Variants in PITPNC1 observed in about 807,000 individuals in gnomAD.
PITPNC1 encodes the protein cytoplasmic phosphatidylinositol transfer protein 1.
Under a neutral mutation model 44.7 loss-of-function variants are expected in PITPNC1, and 18 were observed. The ratio of observed to expected loss-of-function variants is 0.40; its 90% confidence interval spans 0.28 to 0.60. The LOEUF (loss-of-function observed/expected upper bound fraction) is 0.60, where lower values mean the gene tolerates loss of function less well. PITPNC1 is among the 20% of genes least tolerant of loss of function. PITPNC1 has a pLI of 0.39. For missense variants in PITPNC1, 290 were observed against 418.4 expected (o/e 0.69, Z 2.68); for synonymous variants, 141 against 149.6 (o/e 0.94, Z 0.42).
intron 4 of PITPNC1, among the ~76,000 whole-genome samples, chr17:67,559,344 G>C (rs2040878002): frequency 6.6e-6 from 1 of 152,352 alleles, no homozygotes; most frequent in African/African-American, 2.4e-5. Context: ...TACGATGTAA[G>C]CTAAGAGGGT....
chr17:67,516,759 C>T (rs572589349), intron 1 of PITPNC1, among the ~76,000 whole-genome samples: 2 of 152,322 alleles, frequency 1.3e-5, no homozygotes, highest in East Asian at 1.9e-4. Context: ...GCTGAGATTA[C>T]AGGCGCCCGC....
intron 1 of PITPNC1, among the ~76,000 whole-genome samples, chr17:67,413,709 C>T (rs1031091942): frequency 2.6e-5 from 4 of 152,140 alleles, no homozygotes; most frequent in African/African-American, 7.2e-5. Context: ...GAATTGAACA[C>T]ACTTGCTGGC....
chr17:67,410,137 A>C (rs1304343602), intron 1 of PITPNC1, among the ~76,000 whole-genome samples: 2 of 152,246 alleles, frequency 1.3e-5, no homozygotes, highest in Non-Finnish European at 2.9e-5. Context: ...TCTGTCTCTC[A>C]TTGAAAAAAG....
intron 8 of PITPNC1, among the ~76,000 whole-genome samples, chr17:67,690,923 T>A (rs1200589209): frequency 1.3e-5 from 2 of 152,004 alleles, no homozygotes; most frequent in Non-Finnish European, 2.9e-5. Flanking sequence ...GCCAACATGG[T>A]GAAACCCTGT....
intron 1 of PITPNC1, among the ~76,000 whole-genome samples, chr17:67,470,912 T>G (rs1335736771): frequency 7.6e-6 from 1 of 131,038 alleles, no homozygotes; most frequent in East Asian, 2.1e-4. Context: ...CCCCCAACCC[T>G]GTGCTCTCTG....
chr17:67,540,279 T>G (rs546082720), intron 2 of PITPNC1, among the ~76,000 whole-genome samples: 11 of 151,984 alleles, frequency 7.2e-5, no homozygotes, highest in Non-Finnish European at 1.3e-4. Flanking sequence ...AATTTGTGTA[T>G]GTTTTAGTAG....
intron 1 of PITPNC1, among the ~76,000 whole-genome samples, chr17:67,531,694 C>A (rs2040463692): frequency 6.6e-6 from 1 of 152,216 alleles, no homozygotes; most frequent in Admixed American, 6.5e-5. Flanking sequence ...GGACCCGCAT[C>A]CCTGCAGATT....
chr17:67,489,672 A>G (rs1279042540), intron 1 of PITPNC1, among the ~76,000 whole-genome samples: 1 of 152,196 alleles, frequency 6.6e-6, no homozygotes, highest in African/African-American at 2.4e-5. Context: ...GTAGCACCCA[A>G]GTGAATTACT....
chr17:67,693,061 A>G lies in PITPNC1; in HGVS notation c.*173A>G, dbSNP rs1168260060. 1 of 585,950 alleles carries G rather than the reference A, an allele frequency of 1.7e-6. No homozygotes were observed. Among genetic ancestry groups the G allele is most frequent in the African/African-American group, 1.9e-5 (1 of 53,562 alleles). The allele number at this position is 585,950 out of a possible 1,614,324, so 36.3% of individuals were successfully genotyped here. A position where few individuals can be genotyped will look rare whatever the true frequency, so the allele number is the denominator to read the frequency against. On this transcript the variant is annotated 3_prime_UTR_variant, in exon 9 of 9. Transcript: ENST00000581322. ...TAGAATATGATTCCCTAAGTATGCT[A>G]CACAGCATCATATTAGATGTAAGAT...
chr17:67,409,588 G>T (rs2038461453), intron 1 of PITPNC1, among the ~76,000 whole-genome samples: 1 of 151,714 alleles, frequency 6.6e-6, no homozygotes. Flanking sequence ...GCCCAGGTTG[G>T]AGTGCAGTGG....
intron 6 of PITPNC1, among the ~76,000 whole-genome samples, chr17:67,660,082 A>T (rs999277132): frequency 5.3e-5 from 8 of 152,148 alleles, no homozygotes; most frequent in Non-Finnish European, 5.9e-5. Context: ...GGGTTTTGCC[A>T]TGTGGCCCAG....
intron 5 of PITPNC1, chr17:67,613,670 T>A (rs2041718188): frequency 6.6e-6 from 1 of 151,778 alleles, no homozygotes; most frequent in Non-Finnish European, 1.5e-5. Flanking sequence ...AATACAAAAA[T>A]TAACCAGGTG....
At chr17:67,613,980 G>A (rs1443070997) in intron 5 of PITPNC1, among the ~76,000 whole-genome samples, 1 of 148,734 alleles carries the variant, frequency 6.7e-6, no homozygotes, top group Non-Finnish European at 1.5e-5. Context: ...CAGCAACTCA[G>A]GAGACCGAGG....
intron 1 of PITPNC1, among the ~76,000 whole-genome samples, chr17:67,479,562 A>G (rs1275127457): frequency 2.0e-5 from 3 of 152,230 alleles, no homozygotes; most frequent in Admixed American, 6.5e-5. Flanking sequence ...TTGAATCTCA[A>G]TTAGTAAGAC....
intron 1 of PITPNC1, among the ~76,000 whole-genome samples, chr17:67,509,551 T>C (rs914667428): frequency 4.1e-5 from 6 of 144,946 alleles, no homozygotes; most frequent in Non-Finnish European, 7.5e-5. Context: ...TTAAATTAAA[T>C]TGAATTAAAA....
chr17:67,560,437 A>G (rs1568040594), intron 4 of PITPNC1, among the ~76,000 whole-genome samples: 1 of 152,238 alleles, frequency 6.6e-6, no homozygotes, highest in Non-Finnish European at 1.5e-5. Context: ...GGTGACACAG[A>G]ACCCGTAAGT....
chr17:67,387,344 A>G (rs1463934698), intron 1 of PITPNC1, among the ~76,000 whole-genome samples: 1 of 152,136 alleles, frequency 6.6e-6, no homozygotes, highest in Non-Finnish European at 1.5e-5. Flanking sequence ...TCTTTCCTGA[A>G]CACTCCATCT....
chr17:67,382,496 A>C (rs2037977475), intron 1 of PITPNC1, among the ~76,000 whole-genome samples: 1 of 152,212 alleles, frequency 6.6e-6, no homozygotes, highest in Non-Finnish European at 1.5e-5. Flanking sequence ...TGAACTCAAT[A>C]TAAGCCTGTT....
At chr17:67,552,567 G>A (rs2570044) in intron 3 of PITPNC1, among the ~76,000 whole-genome samples, 7,260 of 151,616 alleles carry the variant, frequency 0.048, 551 homozygotes, top group African/African-American at 0.17. Context: ...TTCCATCTTC[G>A]TTCTTAGAGT....
Sources: gnomAD v4.1 joint callset for allele counts (sites outside exome capture counted in the v4.1 genomes callset) on GRCh38, gnomAD v4.1.1 for gene constraint, MANE v1.5 for transcripts, NCBI Gene and HGNC (gene_info 2026-07-23, HGNC 2026-07-21) for gene names.